The following WDR70 variants were observed in gnomAD, a reference collection of about 807,000 sequenced individuals.
WDR70 encodes the protein WD repeat-containing protein 70.
A neutral mutation model predicts 88.6 loss-of-function variants in WDR70; 53 were observed. That is an observed-to-expected ratio of 0.60 (90% CI 0.48 to 0.75). WDR70 has a LOEUF of 0.75. Ranked by LOEUF, WDR70 falls within the 30% of genes least tolerant of loss-of-function variation. The pLI is 0.00. For synonymous variants in WDR70, 280 were observed against 270.0 expected (o/e 1.04, Z -0.36); for missense variants, 610 against 823.2 (o/e 0.74, Z 3.17).
chr5:37,587,619 T>C (rs192298613), intron 9 of WDR70, among the ~76,000 whole-genome samples: 1 of 152,262 alleles, frequency 6.6e-6, no homozygotes, highest in East Asian at 1.9e-4. Context: ...TTATGCATTT[T>C]TGGAGAAAAG....
chr5:37,513,392 T>C (rs1406531678), intron 8 of WDR70, among the ~76,000 whole-genome samples: 2 of 152,096 alleles, frequency 1.3e-5, no homozygotes, highest in African/African-American at 4.8e-5. Context: ...GGCCCTGATA[T>C]GGAGCAGAGC....
intron 10 of WDR70, among the ~76,000 whole-genome samples, chr5:37,608,486 A>G (rs139055152): frequency 1.3e-5 from 2 of 148,604 alleles, no homozygotes; most frequent in African/African-American, 5.0e-5. Context: ...GGTACTCTCT[A>G]CCCCTCTTAT....
chr5:37,625,335 T>C (rs949315647), intron 10 of WDR70, among the ~76,000 whole-genome samples: 1 of 152,126 alleles, frequency 6.6e-6, no homozygotes, highest in Non-Finnish European at 1.5e-5. Flanking sequence ...CTTGTCAGCA[T>C]TTGTTATTAT....
chr5:37,523,791 T>C (rs1236496513), intron 9 of WDR70, among the ~76,000 whole-genome samples: 2 of 152,184 alleles, frequency 1.3e-5, no homozygotes, highest in African/African-American at 4.8e-5. Flanking sequence ...TTAAATGACC[T>C]GATGGAGCTG....
chr5:37,536,464 T>TA (rs1299390602), intron 9 of WDR70, among the ~76,000 whole-genome samples: 61 of 152,292 alleles, frequency 4.0e-4, no homozygotes, highest in African/African-American at 1.3e-3. Flanking sequence ...AGATTTTTTT[T>TA]AGATTTTGGA....
At chr5:37,466,308 T>C (rs1218935276) in intron 7 of WDR70, among the ~76,000 whole-genome samples, 4 of 152,250 alleles carry the variant, frequency 2.6e-5, no homozygotes, top group African/African-American at 9.6e-5. Context: ...GTAAGAGTCT[T>C]CTGTTTTTCC....
intron 9 of WDR70, among the ~76,000 whole-genome samples, chr5:37,586,243 T>C (rs1233408283): frequency 6.6e-6 from 1 of 152,132 alleles, no homozygotes; most frequent in Non-Finnish European, 1.5e-5. Flanking sequence ...CTCTCCCTCA[T>C]TGTTTCCCAC....
At chr5:37,432,770 A>G (rs1750348440) in intron 5 of WDR70, among the ~76,000 whole-genome samples, 1 of 151,954 alleles carries the variant, frequency 6.6e-6, no homozygotes, top group African/African-American at 2.4e-5. Context: ...CATGTTGGCC[A>G]GGGTGGTCTT....
intron 13 of WDR70, among the ~76,000 whole-genome samples, chr5:37,713,603 A>G (rs908444660): frequency 1.3e-5 from 2 of 152,036 alleles, no homozygotes; most frequent in Admixed American, 1.3e-4. Context: ...TTATAATGTT[A>G]TATTTACTTA....
At chr5:37,505,881 C>G (rs1740544321) in intron 8 of WDR70, 4 of 1,348,422 alleles carry the variant, frequency 3.0e-6, no homozygotes, top group Non-Finnish European at 4.3e-6. Flanking sequence ...GGTAGCCACT[C>G]TCAAGTTAAT....
intron 10 of WDR70, among the ~76,000 whole-genome samples, chr5:37,682,477 C>T (rs1403819205): frequency 1.3e-5 from 2 of 151,272 alleles, no homozygotes; most frequent in Non-Finnish European, 2.9e-5. Context: ...TTTGGGGTTG[C>T]TTTGCTTTTG....
intron 10 of WDR70, among the ~76,000 whole-genome samples, chr5:37,684,780 C>G (rs1419467302): frequency 6.6e-6 from 1 of 152,188 alleles, no homozygotes; most frequent in Non-Finnish European, 1.5e-5. Context: ...TCCTTGTTCA[C>G]ATGTGCTAAC....
At chr5:37,703,474 C>T (rs1034165685) in intron 13 of WDR70, among the ~76,000 whole-genome samples, 3 of 152,170 alleles carry the variant, frequency 2.0e-5, no homozygotes, top group Non-Finnish European at 4.4e-5. Flanking sequence ...ACATTGTTCC[C>T]GAAACCATGA....
At chr5:37,480,917 A>T (rs1251366357) in intron 8 of WDR70, among the ~76,000 whole-genome samples, 1 of 152,240 alleles carries the variant, frequency 6.6e-6, no homozygotes, top group African/African-American at 2.4e-5. Flanking sequence ...ATAAACAGGG[A>T]TACAGGCTTT....
rs191437944 is a variant in WDR70, at chr5:37,571,513, A to C, written c.918-33551A>C. Among the ~76,000 whole-genome samples, 274 of 152,252 alleles carry C rather than the reference A, an allele frequency of 1.8e-3. 2 individuals carry two copies. Among genetic ancestry groups the C allele is most frequent in the African/African-American group, 6.2e-3 (258 of 41,542 alleles). On this transcript the variant is annotated intron_variant, in intron 9 of 17. Transcript: ENST00000265107. ...TTTAAGTCCATGTATTCATTTGTTT[A>C]AGTTAAGTATATTAAGCCACTTCCT...
intron 7 of WDR70, among the ~76,000 whole-genome samples, chr5:37,461,035 C>T (rs1334282489): frequency 6.8e-6 from 1 of 147,988 alleles, no homozygotes. Context: ...TTTTATTTTG[C>T]TCAGGATGCA....
intron 9 of WDR70, among the ~76,000 whole-genome samples, chr5:37,600,839 A>G (rs4869440): frequency 0.42 from 63,628 of 152,026 alleles, 15,138 homozygotes; most frequent in Non-Finnish European, 0.53. Flanking sequence ...AAGCAGTTGG[A>G]AAGTTCCATA....
chr5:37,542,664 T>A (rs528236859), intron 9 of WDR70, among the ~76,000 whole-genome samples: 20 of 152,204 alleles, frequency 1.3e-4, no homozygotes, highest in African/African-American at 4.1e-4. Flanking sequence ...GCTTAAGGAA[T>A]CATGGCAGGC....
At chr5:37,428,405 A>T (rs1170338573) in intron 5 of WDR70, among the ~76,000 whole-genome samples, 2 of 152,226 alleles carry the variant, frequency 1.3e-5, no homozygotes, top group African/African-American at 4.8e-5. Flanking sequence ...GTTTCTTTCA[A>T]GCCACCTTGC....
Sources: gnomAD v4.1 joint callset for allele counts (sites outside exome capture counted in the v4.1 genomes callset) on GRCh38, gnomAD v4.1.1 for gene constraint, MANE v1.5 for transcripts, NCBI Gene and HGNC (gene_info 2026-07-23, HGNC 2026-07-21) for gene names.